Variants in ZC3H11A observed in about 807,000 individuals in gnomAD.
The protein encoded by ZC3H11A is zinc finger CCCH domain-containing protein 11A.
Under a neutral mutation model 90.8 loss-of-function variants are expected in ZC3H11A, and 22 were observed. The observed-to-expected ratio is 0.24, with a 90% confidence interval of 0.17 to 0.35. The LOEUF is 0.35. Ranked by LOEUF, ZC3H11A falls within the 10% of genes least tolerant of loss-of-function variation. The probability of loss-of-function intolerance (pLI) is 1.00; values close to 1 mark genes in which losing one functional copy is unlikely to be tolerated. For synonymous variants in ZC3H11A, 294 were observed against 339.8 expected (o/e 0.87, Z 1.48); for missense variants, 701 against 964.9 (o/e 0.73, Z 3.62).
chr1:203,838,226 T>C (rs914993229), intron 11 of ZC3H11A, among the ~76,000 whole-genome samples, 162 bp downstream of exon 11: 1 of 152,376 alleles, frequency 6.6e-6, no homozygotes, highest in Admixed American at 6.5e-5. Context: ...GTCTGCTAGA[T>C]TCTGGGTAGA....
Position 203,813,373 on chromosome 1 carries a change from A to C in ZC3H11A, c.-145-3553A>C, listed in dbSNP as rs565570818. ...AGGCATTCACCACCATGCCTGGCTA[A>C]ATTTTAATGGTTTTTATTGAAAACC... On this transcript the variant is annotated intron_variant, in intron 2 of 17. Transcript: ENST00000367210. Among the ~76,000 whole-genome samples the C allele has an allele frequency of 9.9e-5, 15 of 152,138 alleles. No homozygotes were observed. The South Asian group carries it at 2.9e-3, about 29-fold the overall frequency.
chr1:203,808,009 T>TC (rs1672965016), intron 2 of ZC3H11A, among the ~76,000 whole-genome samples: 1 of 152,192 alleles, frequency 6.6e-6, no homozygotes, highest in African/African-American at 2.4e-5. Flanking sequence ...CTCAAAGTGC[T>TC]GGCATTACGG....
intron 4 of ZC3H11A, among the ~76,000 whole-genome samples, chr1:203,824,585 A>G (rs769583611): frequency 6.6e-6 from 1 of 152,190 alleles, no homozygotes; most frequent in Non-Finnish European, 1.5e-5. Flanking sequence ...ATTGGTTCAC[A>G]AATTGAGTCA....
At chr1:203,828,270 T>G (rs374241314) in intron 4 of ZC3H11A, 29 bp from the exon 5 acceptor site, 1 of 1,613,568 alleles carries the variant, frequency 6.2e-7, no homozygotes, top group African/African-American at 1.3e-5. Context: ...CTGTTTTATT[T>G]GAAAGCAATG....
intron 14 of ZC3H11A, 61 bp from the exon 15 acceptor site, chr1:203,849,650 T>TA: frequency 1.3e-6 from 2 of 1,501,832 alleles, no homozygotes; most frequent in Admixed American, 1.8e-5. Context: ...GCCTGGTACT[T>TA]ACATCATACA....
rs768339599 is a variant in ZC3H11A at position 203,840,286 on chromosome 1, G to GA, written c.974-16dup. The GA allele has an allele frequency of 6.8e-6, 11 of 1,607,620 alleles. No homozygotes were observed. Among genetic ancestry groups the GA allele is most frequent in the Non-Finnish European group, 9.3e-6 (11 of 1,176,768 alleles). ...AGTTTCTGTTCAACTTTTGATTTTT[G>GA]AAAATCTTTCTTTTCACAGCTCAAG... On this transcript the variant is annotated intron_variant, in intron 11 of 17. Coordinates refer to ENST00000367210, the MANE Select transcript of ZC3H11A (RefSeq NM_001376342.1).
In ZC3H11A at chr1:203,852,987, T is replaced by C. The variant is rs1192416682; in HGVS notation, c.*588T>C. 6.5e-6 allele frequency: 1 copy of C among 153,544 alleles called. No individual in the cohort carries two copies. The highest frequency in any genetic ancestry group is 1.5e-5 in the Non-Finnish European group (1 of 68,746). The allele number at this position is 153,544 out of a possible 1,614,324, so 9.5% of individuals were successfully genotyped here. On this transcript the variant is annotated 3_prime_UTR_variant, in exon 18 of 18. Coordinates refer to ENST00000367210, the MANE Select transcript of ZC3H11A (RefSeq NM_001376342.1). ...GGGCATAACTCTTTGGACCTGATCT[T>C]GATGCTTCTGCTGCTCTGTTAGCCT...
chr1:203,810,423 G>GTT (rs765335556), intron 2 of ZC3H11A, among the ~76,000 whole-genome samples: 13,775 of 138,706 alleles, frequency 0.099, 949 homozygotes, highest in Non-Finnish European at 0.14. Context: ...TAGCTGTTAG[G>GTT]TTTTTTTTTT....
chr1:203,799,382 C>T (rs1306673385), intron 1 of ZC3H11A: 2 of 703,400 alleles, frequency 2.8e-6, no homozygotes, highest in Admixed American at 4.0e-5. Context: ...GTCATTCGGT[C>T]AAGGCCCGTC....
rs140404507 is a variant in ZC3H11A at position 203,847,359 on chromosome 1, C to T, written c.1218C>T (p.Phe406=). The T allele has an allele frequency of 1.2e-3, 1,976 of 1,613,810 alleles. 21 individuals carry two copies. In the African/African-American group the frequency reaches 0.023, roughly 19 times the overall value. Residue 406 remains phenylalanine (F), a synonymous_variant, in exon 13 of 18, where the codon TTC becomes TTT. Coordinates refer to ENST00000367210, the MANE Select transcript of ZC3H11A (RefSeq NM_001376342.1). ...RSSSTIRIKT[F]SEVLAEKKHR... ...CCTCCACTATCCGTATCAAAACCTT[C>T]TCTGAGGTCCTGGCTGAAAAAAAAC...
intron 4 of ZC3H11A, among the ~76,000 whole-genome samples, chr1:203,821,491 C>A (rs1678682124): frequency 6.6e-6 from 1 of 152,118 alleles, no homozygotes; most frequent in Admixed American, 6.5e-5. Context: ...TTTTTGTGTT[C>A]TTTTGATGTT....
rs771672992 is a variant in ZC3H11A at position 203,849,908 on chromosome 1, C to T, written c.1821C>T (p.His607=). The change falls in exon 15 of 18, where the codon CAC becomes CAT. Residue 607 remains histidine (H), a synonymous_variant. Coordinates refer to ENST00000367210, the MANE Select transcript of ZC3H11A (RefSeq NM_001376342.1). ...CTGCTGTGCCAGGAATCACACGGCA[C>T]CTGACCAAGCGGCTTCCCACAAAGT... ...VLTAVPGITR[H]LTKRLPTKSS... 19 of 1,613,924 alleles carry T rather than the reference C, an allele frequency of 1.2e-5. No homozygotes were observed. The highest frequency in any genetic ancestry group is 1.6e-4 in the Middle Eastern group (1 of 6,084).
intron 1 of ZC3H11A, chr1:203,798,355 A>G (rs1460810994): frequency 5.2e-6 from 8 of 1,535,434 alleles, no homozygotes; most frequent in Non-Finnish European, 7.0e-6. Context: ...ACTGATCCTC[A>G]GCACATCTCA....
chr1:203,814,243 C>T (rs139413988), intron 2 of ZC3H11A, among the ~76,000 whole-genome samples: 89 of 152,176 alleles, frequency 5.8e-4, no homozygotes, highest in Middle Eastern at 3.4e-3. Flanking sequence ...ATAACCTTTC[C>T]GGCCAGGCGC....
intron 9 of ZC3H11A, among the ~76,000 whole-genome samples, chr1:203,832,004 A>G (rs567870713): frequency 2.2e-4 from 33 of 152,332 alleles, no homozygotes; most frequent in Non-Finnish European, 4.0e-4. Context: ...TATCCACTCA[A>G]TACATTTATT....
At chr1:203,835,848 CT>C in intron 10 of ZC3H11A, 88 of 241,420 alleles carry the variant, frequency 3.6e-4, no homozygotes, top group South Asian at 8.2e-4. Flanking sequence ...TATGTGCTCC[CT>C]TTTTTTCCGG....
intron 4 of ZC3H11A, among the ~76,000 whole-genome samples, chr1:203,826,888 G>T (rs1384569799): frequency 1.3e-5 from 2 of 152,148 alleles, no homozygotes; most frequent in African/African-American, 4.8e-5. Flanking sequence ...TTCATAGAGT[G>T]ATTATACTTA....
Position 203,833,686 on chromosome 1 carries a change from T to G in ZC3H11A, c.812-105T>G, listed in dbSNP as rs1167912632. The G allele has an allele frequency of 5.2e-6, 4 of 768,808 alleles. No homozygotes were observed. In the Admixed American group the frequency reaches 1.4e-4, roughly 26 times the overall value. The allele number at this position is 768,808 out of a possible 1,614,324, so 47.6% of individuals were successfully genotyped here. ...GAGACCTGATTTTCAAGAGACTTTC[T>G]GGGTGGATTTACACTAATATCAGAA... On this transcript the variant is annotated intron_variant, in intron 9 of 17. Transcript: ENST00000367210.
intron 9 of ZC3H11A, among the ~76,000 whole-genome samples, chr1:203,833,445 T>G (rs1683124161): frequency 6.6e-6 from 1 of 150,520 alleles, no homozygotes; most frequent in South Asian, 2.1e-4. Context: ...ACAGGAGAAT[T>G]GCTTGAACCC....
Sources: gnomAD v4.1 joint callset for allele counts (sites outside exome capture counted in the v4.1 genomes callset) on GRCh38, gnomAD v4.1.1 for gene constraint, MANE v1.5 for transcripts, NCBI Gene and HGNC (gene_info 2026-07-23, HGNC 2026-07-21) for gene names.